PPARGC1B: variants seen among roughly 807,000 people sequenced by gnomAD.
The protein encoded by PPARGC1B is peroxisome proliferator-activated receptor gamma coactivator 1-beta.
A neutral mutation model predicts 101.6 loss-of-function variants in PPARGC1B; 34 were observed. The ratio of observed to expected loss-of-function variants is 0.33; its 90% confidence interval spans 0.25 to 0.45. The LOEUF (loss-of-function observed/expected upper bound fraction) is 0.45, where lower values mean the gene tolerates loss of function less well. Among genes scored for constraint, PPARGC1B ranks in the 20% least tolerant of loss-of-function variants. The pLI is 1.00. For synonymous variants in PPARGC1B, 548 were observed against 539.3 expected (o/e 1.02, Z -0.22); for missense variants, 1,234 against 1,317.6 (o/e 0.94, Z 0.98).
chr5:149,773,902 C>A (rs1756248623), intron 1 of PPARGC1B, among the ~76,000 whole-genome samples: 1 of 152,140 alleles, frequency 6.6e-6, no homozygotes, highest in South Asian at 2.1e-4. Flanking sequence ...CAGCCTGCCC[C>A]ACCTCTGCTG....
At chr5:149,834,069 A>G (rs1023652478) in intron 5 of PPARGC1B, among the ~76,000 whole-genome samples, 1 of 152,240 alleles carries the variant, frequency 6.6e-6, no homozygotes, top group Non-Finnish European at 1.5e-5. Context: ...GGATAATTAC[A>G]AAATTGCAAT....
chr5:149,833,494 G>A lies in PPARGC1B; in HGVS notation c.1421G>A (p.Cys474Tyr), dbSNP rs150844116. The A allele has an allele frequency of 6.5e-5, 101 of 1,563,964 alleles. No individual in the cohort carries two copies. The highest frequency in any genetic ancestry group is 7.7e-5 in the Non-Finnish European group (89 of 1,154,076). The change falls in exon 5 of 12, where the codon TGC (cysteine) becomes TAC (tyrosine). Residue 474 changes from cysteine (C) to tyrosine (Y), a missense_variant. Physicochemically the swap from Cys to Tyr is radical, Grantham distance 194. This residue lies in a region of PPARGC1B where 734 missense variants were observed against 768.4 expected (regional missense o/e 0.96). Transcript: ENST00000309241. This position sits in a 1 kb window ranked among gnomAD's most constrained non-coding sequence, Gnocchi z 4.1. ...KLGRKLESSV[C>Y]PVRRSRRLNP... ...GGGAGGAAGCTGGAGAGCTCTGTGT[G>A]CCCCGTGCGGCGTTCTCGGAGACTG...
chr5:149,732,101 C>T (rs995077899), intron 1 of PPARGC1B, among the ~76,000 whole-genome samples: 1 of 152,036 alleles, frequency 6.6e-6, no homozygotes, highest in East Asian at 1.9e-4. Context: ...GCGCCGGGCG[C>T]GTACCTTTAC....
At chr5:149,806,219 G>A (rs190625013) in intron 1 of PPARGC1B, among the ~76,000 whole-genome samples, 427 of 152,352 alleles carry the variant, frequency 2.8e-3, no homozygotes, top group African/African-American at 9.4e-3. Flanking sequence ...CCACCTGAGA[G>A]GGCTGCATAT....
intron 1 of PPARGC1B, among the ~76,000 whole-genome samples, chr5:149,799,256 T>G (rs1268542022): frequency 2.0e-5 from 3 of 152,208 alleles, no homozygotes; most frequent in African/African-American, 7.2e-5. Flanking sequence ...ATGGACTGTC[T>G]GCTGGCATAA....
At chr5:149,763,537 T>G (rs538010620) in intron 1 of PPARGC1B, among the ~76,000 whole-genome samples, 24 of 140,804 alleles carry the variant, frequency 1.7e-4, no homozygotes, top group African/African-American at 4.2e-4. Context: ...TTTTTTTTTT[T>G]TTTTTTTTTT....
At chr5:149,768,600 C>T (rs10042025) in intron 1 of PPARGC1B, among the ~76,000 whole-genome samples, 19,805 of 149,056 alleles carry the variant, frequency 0.13, 2,417 homozygotes, top group African/African-American at 0.34. Flanking sequence ...CCCACCACCA[C>T]GTCTGGCTAA....
chr5:149,846,258 G>T (rs1759552039), intron 11 of PPARGC1B: 2 of 495,160 alleles, frequency 4.0e-6, no homozygotes, highest in Non-Finnish European at 7.1e-6. Context: ...TCCCCTTCAG[G>T]GGCATTCCGT....
chr5:149,843,406 A>G (rs1472477176), intron 10 of PPARGC1B, among the ~76,000 whole-genome samples: 1 of 152,224 alleles, frequency 6.6e-6, no homozygotes, highest in African/African-American at 2.4e-5. Flanking sequence ...AATAATAGAA[A>G]GCTTCAGCAA....
chr5:149,736,726 C>T (rs1286198681), intron 1 of PPARGC1B, among the ~76,000 whole-genome samples: 1 of 152,206 alleles, frequency 6.6e-6, no homozygotes, highest in Non-Finnish European at 1.5e-5. Flanking sequence ...CTTGCTCACA[C>T]ATCTCCCATG....
chr5:149,830,030 C>CA (rs60711433), intron 3 of PPARGC1B, among the ~76,000 whole-genome samples: 1,205 of 33,930 alleles, frequency 0.036, 51 homozygotes, highest in East Asian at 0.061. Context: ...GACTGCATCT[C>CA]AAAAAAAAAA....
At chr5:149,823,014 G>A (rs935056602) in intron 2 of PPARGC1B, among the ~76,000 whole-genome samples, 19 of 152,224 alleles carry the variant, frequency 1.2e-4, no homozygotes, top group African/African-American at 4.3e-4. Flanking sequence ...TAGAGAACAA[G>A]CTACAGTTGC....
intron 1 of PPARGC1B, chr5:149,818,951 G>A (rs1581091476): frequency 6.7e-6 from 3 of 449,202 alleles, no homozygotes; most frequent in South Asian, 4.8e-5. Context: ...CAGGCCCCAG[G>A]GCCAACAGAA....
chr5:149,787,154 C>T (rs989739642), intron 1 of PPARGC1B, among the ~76,000 whole-genome samples: 2 of 152,226 alleles, frequency 1.3e-5, no homozygotes, highest in African/African-American at 4.8e-5. Context: ...GCAACCACAG[C>T]AAGAGAGCAT....
chr5:149,835,388 G>T, intron 7 of PPARGC1B, 23 bp downstream of exon 7: 1 of 1,609,520 alleles, frequency 6.2e-7, no homozygotes, highest in Non-Finnish European at 8.5e-7. Flanking sequence ...GCTTCCACTG[G>T]CAGGTGCCTT....
chr5:149,763,860 C>T (rs1433766710), intron 1 of PPARGC1B, among the ~76,000 whole-genome samples: 3 of 151,446 alleles, frequency 2.0e-5, no homozygotes, highest in Admixed American at 6.6e-5. Flanking sequence ...CTTGGCTGAC[C>T]GCCACCTCTG....
chr5:149,833,706 C>T lies in PPARGC1B; in HGVS notation c.1633C>T (p.Leu545=), dbSNP rs137977806. ...CCTACGGGGACCCCAGATCCCTGCC[C>T]TGGAGAGCCCCTGTGAGAGTGGGTG... ...QLLRGPQIPA[L]ESPCESGCGD... is the part of the protein sequence containing the mutation. Residue 545 remains leucine (L), a synonymous_variant, in exon 5 of 12, where the codon CTG becomes TTG. Coordinates refer to ENST00000309241, the MANE Select transcript of PPARGC1B (RefSeq NM_133263.4). This position sits in a 1 kb window ranked among gnomAD's most constrained non-coding sequence, Gnocchi z 4.1. 30 of 1,605,408 alleles carry T rather than the reference C, an allele frequency of 1.9e-5. No homozygotes were observed. Among genetic ancestry groups the T allele is most frequent in the Non-Finnish European group, 2.4e-5 (28 of 1,177,496 alleles).
At chr5:149,749,220 C>T (rs1045186402) in intron 1 of PPARGC1B, among the ~76,000 whole-genome samples, 8 of 152,184 alleles carry the variant, frequency 5.3e-5, no homozygotes, top group African/African-American at 1.9e-4. Flanking sequence ...ATTATTACTC[C>T]TATTTACCGT....
intron 1 of PPARGC1B, among the ~76,000 whole-genome samples, chr5:149,749,362 G>A (rs201864979): frequency 1.2e-3 from 180 of 152,296 alleles, no homozygotes; most frequent in African/African-American, 4.2e-3. Flanking sequence ...TGACTTACCC[G>A]CTGAGGTCAC....
Sources: gnomAD v4.1 joint callset for allele counts (sites outside exome capture counted in the v4.1 genomes callset) on GRCh38, gnomAD v4.1.1 for gene constraint, gnomAD v4.1.1 regional missense constraint, Gnocchi (gnomAD v3.1) non-coding constraint, MANE v1.5 for transcripts, NCBI Gene and HGNC (gene_info 2026-07-23, HGNC 2026-07-21) for gene names.